Variants in PIGB observed in about 807,000 individuals in gnomAD.
PIGB encodes the protein phosphatidylinositol glycan anchor biosynthesis class B, also known as GPI alpha-1,2-mannosyltransferase 3.
PIGB carries 58 observed loss-of-function variants against 68.4 expected under a neutral mutation model. The observed-to-expected ratio is 0.85, with a 90% CI of 0.69 to 1.06. The LOEUF (loss-of-function observed/expected upper bound fraction) is 1.06. PIGB is among the 50% of genes least tolerant of loss of function. The pLI is 0.00. For missense variants in PIGB, 634 were observed against 655.8 expected, an observed-to-expected ratio of 0.97 and a Z score of 0.36; for synonymous variants, 219 against 220.5, an observed-to-expected ratio of 0.99 and a Z score of 0.06.
intron 6 of PIGB, among the ~76,000 whole-genome samples, chr15:55,336,181 A>G (rs1440247669): frequency 6.6e-6 from 1 of 152,136 alleles, no homozygotes; most frequent in Non-Finnish European, 1.5e-5. Context: ...CAGGAGTTCA[A>G]GAACAACCTG....
chr15:55,339,794 A>G (rs1307268818), intron 7 of PIGB, among the ~76,000 whole-genome samples: 1 of 152,184 alleles, frequency 6.6e-6, no homozygotes, highest in African/African-American at 2.4e-5. Flanking sequence ...GTTCTTACTT[A>G]TAAGTGGGAG....
chr15:55,320,195 C>A, intron 1 of PIGB, 80 bp from the exon 2 acceptor site: 1 of 1,395,036 alleles, frequency 7.2e-7, no homozygotes, highest in Non-Finnish European at 9.8e-7. Flanking sequence ...AGGAGCCAAC[C>A]AGAGCAGCAG....
At chr15:55,324,343 T>C (rs564208389) in intron 3 of PIGB, among the ~76,000 whole-genome samples, 1 of 152,342 alleles carries the variant, frequency 6.6e-6, no homozygotes, top group African/African-American at 2.4e-5. Flanking sequence ...TCCACTGCTT[T>C]ATTTTACTCT....
At chr15:55,321,442 T>C in intron 3 of PIGB, 52 bp downstream of exon 3, 1 of 1,485,944 alleles carries the variant, frequency 6.7e-7, no homozygotes, top group Non-Finnish European at 9.1e-7. Context: ...GAATTTGTTT[T>C]TAAAAGGCTA....
intron 9 of PIGB, among the ~76,000 whole-genome samples, chr15:55,349,244 G>A (rs933377027): frequency 4.6e-5 from 7 of 152,018 alleles, no homozygotes; most frequent in South Asian, 2.1e-4. Flanking sequence ...GTGCAGTGGC[G>A]TGGTCATAGC....
At chr15:55,346,980 C>T (rs1033006690) in intron 9 of PIGB, among the ~76,000 whole-genome samples, 3 of 152,162 alleles carry the variant, frequency 2.0e-5, no homozygotes, top group Admixed American at 1.3e-4. Flanking sequence ...GGTTTAAAAA[C>T]CCCTCAGAGG....
intron 9 of PIGB, among the ~76,000 whole-genome samples, chr15:55,349,283 G>A (rs2055872620): frequency 6.6e-6 from 1 of 152,054 alleles, no homozygotes; most frequent in Admixed American, 6.6e-5. Flanking sequence ...CATGAGCACA[G>A]GTGAACCTCC....
chr15:55,339,202 ATATG>A, intron 6 of PIGB, 61 bp from the exon 7 acceptor site: 1 of 1,143,774 alleles, frequency 8.7e-7, no homozygotes, highest in Non-Finnish European at 1.3e-6. Flanking sequence ...GTACAAAGCC[ATATG>A]CTAATAGTGG....
intron 8 of PIGB, 80 bp downstream of exon 8, chr15:55,340,903 T>C (rs2055655376): frequency 9.2e-6 from 9 of 979,470 alleles, no homozygotes; most frequent in Non-Finnish European, 1.2e-5. Flanking sequence ...AAGTAAACTT[T>C]ATGTTTTGGA....
rs563276081 is a variant in PIGB, at chr15:55,322,809, G to A, written c.417+1419G>A. ...TAACAACAGGCAGAATTTAGGAGCC[G>A]CAACCTGGCTTTTCTTCTCTTACAG... On this transcript the variant is annotated intron_variant, in intron 3 of 11. Transcript: ENST00000164305. Among the ~76,000 whole-genome samples, 110 of 152,258 alleles carry A rather than the reference G, an allele frequency of 7.2e-4. 1 individual carries two copies. Among genetic ancestry groups the A allele is most frequent in the African/African-American group, 2.4e-3 (101 of 41,548 alleles).
At position 55,350,761 on chromosome 15, in the gene PIGB, A is replaced by G. The variant is rs1351577491; in HGVS notation, c.1186A>G (p.Asn396Asp). 2.5e-6 allele frequency: 4 copies of G among 1,613,576 alleles called. No homozygotes were observed. The highest frequency in any genetic ancestry group is 3.4e-6 in the Non-Finnish European group (4 of 1,179,740). Reference protein sequence around the residue: ...KPALSFLFLSNLFLALYTGLV... With the variant: ...KPALSFLFLSDLFLALYTGLV... The stretch of plus-strand genomic sequence containing the variant: ...AGCTCTAAGTTTCCTGTTTTTATCA[A>G]ATTTGTTCCTCGCCCTTTATACTGG... Residue 396 changes from asparagine (N) to aspartate (D), a missense_variant, in exon 10 of 12, where the codon AAT (asparagine) becomes GAT (aspartate). Coordinates refer to ENST00000164305, the MANE Select transcript of PIGB (RefSeq NM_004855.5).
chr15:55,352,432 G>C (rs1421295284), intron 10 of PIGB, among the ~76,000 whole-genome samples: 1 of 152,190 alleles, frequency 6.6e-6, no homozygotes, highest in African/African-American at 2.4e-5. Context: ...TCAGGAAGCT[G>C]TATTAGTTAC....
chr15:55,342,481 C>T (rs973507900), intron 9 of PIGB, among the ~76,000 whole-genome samples: 1 of 152,130 alleles, frequency 6.6e-6, no homozygotes, highest in African/African-American at 2.4e-5. Flanking sequence ...ACCTCCACCT[C>T]CCTGTGTTCA....
intron 9 of PIGB, among the ~76,000 whole-genome samples, chr15:55,345,199 A>G (rs1411871159): frequency 1.3e-5 from 2 of 151,818 alleles, no homozygotes; most frequent in South Asian, 2.1e-4. Context: ...CCCATATTCT[A>G]ATCTTTTTAT....
At chr15:55,330,581 G>C (rs1274179078) in intron 5 of PIGB, among the ~76,000 whole-genome samples, 3 of 152,176 alleles carry the variant, frequency 2.0e-5, no homozygotes, top group African/African-American at 7.2e-5. Flanking sequence ...AGTGTTGTAG[G>C]ATGCATGGAA....
Position 55,319,336 on chromosome 15 carries a change from A to C in PIGB, c.86A>C (p.His29Pro). ...TTGCATGGTCTCCAGAACCGCTCCCACGGCAAGATAAAGCTGCGAAAGAGA... is the reference window on the plus strand; with the variant it reads ...TTGCATGGTCTCCAGAACCGCTCCCCCGGCAAGATAAAGCTGCGAAAGAGA... The part of the protein sequence containing the change: ...LTLHGLQNRS[H>P]GKIKLRKRKS... The change falls in exon 1 of 12, where the codon CAC becomes CCC. Residue 29 changes from histidine to proline, a missense_variant. Coordinates refer to ENST00000164305, the MANE Select transcript of PIGB (RefSeq NM_004855.5). 1.9e-6 allele frequency: 3 copies of C among 1,582,664 alleles called. No homozygotes were observed. The highest frequency in any genetic ancestry group is 2.6e-6 in the Non-Finnish European group (3 of 1,164,102).
intron 4 of PIGB, among the ~76,000 whole-genome samples, chr15:55,328,998 G>A (rs566136075): frequency 2.6e-5 from 4 of 152,222 alleles, no homozygotes; most frequent in African/African-American, 9.6e-5. Flanking sequence ...TCTAGTTTAG[G>A]GAAAACCTTT....
At chr15:55,351,257 G>A (rs2055915887) in intron 10 of PIGB, among the ~76,000 whole-genome samples, 1 of 151,646 alleles carries the variant, frequency 6.6e-6, no homozygotes, top group Non-Finnish European at 1.5e-5. Flanking sequence ...ACAGGTGCCT[G>A]CCACCATGCC....
intron 5 of PIGB, among the ~76,000 whole-genome samples, chr15:55,331,480 G>A (rs1412601609): frequency 9.2e-5 from 14 of 152,112 alleles, no homozygotes; most frequent in African/African-American, 2.4e-4. Flanking sequence ...TTGGGAGGCC[G>A]AGACGGGTGG....
Sources: allele counts gnomAD v4.1 joint callset (sites outside exome capture counted in the v4.1 genomes callset), GRCh38; gene constraint gnomAD v4.1.1; transcripts MANE v1.5; gene names NCBI Gene and HGNC (gene_info 2026-07-23, HGNC 2026-07-21).